Variants in BTF3L4 observed in about 807,000 individuals in gnomAD.
The protein encoded by BTF3L4 is basic transcription factor 3 like 4.
BTF3L4 carries 6 observed loss-of-function variants against 16.8 expected under a neutral mutation model. The ratio of observed to expected loss-of-function variants is 0.36; its 90% CI spans 0.20 to 0.71. The LOEUF (loss-of-function observed/expected upper bound fraction) is 0.71, where lower values mean the gene tolerates loss of function less well. Among genes scored for constraint, BTF3L4 ranks in the 30% least tolerant of loss-of-function variants. The pLI, the probability that BTF3L4 is intolerant of heterozygous loss-of-function variation, is 0.58. For synonymous variants in BTF3L4, 39 were observed against 59.8 expected (o/e 0.65, Z 1.60); for missense variants, 92 against 186.9 (o/e 0.49, Z 2.96).
intron 3 of BTF3L4, among the ~76,000 whole-genome samples, chr1:52,082,535 G>A (rs1643934327): frequency 6.6e-6 from 1 of 152,130 alleles, no homozygotes; most frequent in South Asian, 2.1e-4. Flanking sequence ...AGGAGTTCGA[G>A]ACCAGCCTGG....
chr1:52,062,438 G>C (rs1300013416), intron 2 of BTF3L4, among the ~76,000 whole-genome samples: 2 of 151,710 alleles, frequency 1.3e-5, no homozygotes, highest in Non-Finnish European at 2.9e-5. Context: ...CTGACCTTAT[G>C]ATCTGCCCGC....
At chr1:52,065,254 A>C in intron 3 of BTF3L4, 1 of 163,116 alleles carries the variant, frequency 6.1e-6, no homozygotes, top group East Asian at 1.8e-4. Context: ...ACATTTCCTC[A>C]GATGAGATAG....
chr1:52,056,589 C>T (rs899663750), intron 1 of BTF3L4, among the ~76,000 whole-genome samples: 4 of 152,258 alleles, frequency 2.6e-5, no homozygotes, highest in Admixed American at 2.6e-4. Context: ...AGCACCACCG[C>T]CCCCTGTGGG....
chr1:52,063,449 A>C (rs752841248), intron 2 of BTF3L4, among the ~76,000 whole-genome samples: 14 of 152,014 alleles, frequency 9.2e-5, no homozygotes, highest in Admixed American at 2.6e-4. Context: ...CTGCTGTCAG[A>C]TCTCTCCTCC....
intron 5 of BTF3L4, 69 bp from the exon 6 acceptor site, chr1:52,086,643 A>G: frequency 1.1e-6 from 1 of 948,300 alleles, no homozygotes; most frequent in African/African-American, 1.7e-5. Context: ...GTTAGAAGTT[A>G]GGAGTTCCAT....
At chr1:52,067,053 A>G (rs2124422631) in intron 3 of BTF3L4, among the ~76,000 whole-genome samples, 1 of 152,108 alleles carries the variant, frequency 6.6e-6, no homozygotes, top group African/African-American at 2.4e-5. Context: ...CCTGGCCAAC[A>G]TGGTGAGACC....
In BTF3L4 at chr1:52,086,831, A is replaced by G. The variant is rs1219796731; in HGVS notation, c.*73A>G. On this transcript the variant is annotated 3_prime_UTR_variant, in exon 6 of 6. Transcript: ENST00000313334. ...TATGTGGTTCCAAAGTTTTACAGAC[A>G]TGGAGAACATCACCTGTTACTAGTT... The G allele has an allele frequency of 3.5e-6, 3 of 863,416 alleles. No individual in the cohort carries two copies. The highest frequency in any genetic ancestry group is 1.7e-5 in the African/African-American group (1 of 57,622). The allele number at this position is 863,416 out of a possible 1,614,324, so 53.5% of individuals were successfully genotyped here.
intron 2 of BTF3L4, among the ~76,000 whole-genome samples, chr1:52,063,017 C>T (rs1227905930): frequency 3.3e-5 from 5 of 152,200 alleles, no homozygotes; most frequent in African/African-American, 1.2e-4. Context: ...TCGCTCATGC[C>T]CCCTACCCCA....
chr1:52,080,966 A>G (rs10788938), intron 3 of BTF3L4, among the ~76,000 whole-genome samples: 111,657 of 150,912 alleles, frequency 0.74, 45,565 homozygotes, highest in Non-Finnish European at 0.89. Context: ...CAGCCTCCCA[A>G]GTAGCTGGGA....
At chr1:52,062,830 G>A (rs531593150) in intron 2 of BTF3L4, among the ~76,000 whole-genome samples, 53 of 152,342 alleles carry the variant, frequency 3.5e-4, no homozygotes, top group Non-Finnish European at 1.9e-4. Context: ...CCACGGATGG[G>A]AGGATGATGG....
intron 4 of BTF3L4, among the ~76,000 whole-genome samples, chr1:52,084,289 T>A (rs1294927627): frequency 6.6e-6 from 1 of 151,970 alleles, no homozygotes; most frequent in East Asian, 1.9e-4. Context: ...ACAGGTGGTG[T>A]GCACCACTGC....
rs961147469 is a variant in BTF3L4, at chr1:52,074,433, G to A, written c.169-8907G>A. ...GGCTGGAGTGCGGTGGGGCAATCTCGGCTCAACACAACCTTGGCCTCCCAG... is the reference window on the plus strand; with the variant it reads ...GGCTGGAGTGCGGTGGGGCAATCTCAGCTCAACACAACCTTGGCCTCCCAG... On this transcript the variant is annotated intron_variant, in intron 3 of 5. Transcript: ENST00000313334. Among the ~76,000 whole-genome samples, 3 of 151,518 alleles carry A rather than the reference G, an allele frequency of 2.0e-5. No individual in the cohort carries two copies. In the East Asian group the frequency reaches 5.8e-4, roughly 29 times the overall value.
At position 52,079,269 on chromosome 1, in the gene BTF3L4, G is replaced by C. The variant is rs189941904; in HGVS notation, c.169-4071G>C. 1.6e-3 allele frequency among the ~76,000 whole-genome samples: 245 copies of C among 151,776 alleles called. 2 individuals are homozygous for C. The highest frequency in any genetic ancestry group is 5.4e-3 in the African/African-American group (223 of 41,386). Reference sequence around the variant, plus strand: ...ATGGTGGCACACACCTGTAATCCCAGCTACTTGGGAGGCTGAGGCAGGAGA... The same window carrying C: ...ATGGTGGCACACACCTGTAATCCCACCTACTTGGGAGGCTGAGGCAGGAGA... On this transcript the variant is annotated intron_variant, in intron 3 of 5. Coordinates refer to ENST00000313334, the MANE Select transcript of BTF3L4 (RefSeq NM_152265.5).
chr1:52,090,521 C>T lies in BTF3L4; in HGVS notation c.*3763C>T, dbSNP rs370959807. 2 of 152,118 alleles carry T rather than the reference C, an allele frequency of 1.3e-5. No individual in the cohort carries two copies. Among genetic ancestry groups the T allele is most frequent in the African/African-American group, 4.8e-5 (2 of 41,402 alleles). 9.4% of individuals were successfully genotyped at this position (152,118 alleles called of 1,614,324 possible). On this transcript the variant is annotated 3_prime_UTR_variant, in exon 6 of 6. Transcript: ENST00000313334. ...CTCTCTCCAGCCCATTACACAGGAG[C>T]CAGCTACCTAAATTTCCTATCTGAG...
chr1:52,061,654 T>G (rs1363008423), intron 2 of BTF3L4, among the ~76,000 whole-genome samples: 10 of 146,484 alleles, frequency 6.8e-5, no homozygotes, highest in African/African-American at 2.5e-4. Context: ...TTTTTTTTTT[T>G]TTTGAGACGG....
rs1185662565 is a variant in BTF3L4 at position 52,088,280 on chromosome 1, G to C, written c.*1522G>C. On this transcript the variant is annotated 3_prime_UTR_variant, in exon 6 of 6. Transcript: ENST00000313334. The stretch of plus-strand genomic sequence containing the variant: ...CTGTAGACATGAAGGCAAAGCTCTT[G>C]TATTTTTTTTCATCCAAACACCTCA... 6.6e-6 allele frequency: 1 copy of C among 152,390 alleles called. No homozygotes were observed. The highest frequency in any genetic ancestry group is 2.4e-5 in the African/African-American group (1 of 41,382). The allele number at this position is 152,390 out of a possible 1,614,324, so 9.4% of individuals were successfully genotyped here.
intron 3 of BTF3L4, among the ~76,000 whole-genome samples, chr1:52,068,248 G>A (rs1686702434): frequency 6.6e-6 from 1 of 152,174 alleles, no homozygotes; most frequent in Admixed American, 6.5e-5. Flanking sequence ...TGGTGTTGCT[G>A]TAATTGAAAT....
intron 3 of BTF3L4, among the ~76,000 whole-genome samples, chr1:52,076,491 C>A (rs145402651): frequency 3.4e-5 from 5 of 148,942 alleles, no homozygotes; most frequent in African/African-American, 1.2e-4. Flanking sequence ...GCAGGAGAAT[C>A]GCTTGAACCC....
At chr1:52,059,378 A>G (rs1686454043) in intron 1 of BTF3L4, among the ~76,000 whole-genome samples, 2 of 151,908 alleles carry the variant, frequency 1.3e-5, no homozygotes, top group African/African-American at 4.8e-5. Flanking sequence ...TGTCATCTTT[A>G]TGGTTTATAA....
Sources: allele counts gnomAD v4.1 joint callset (sites outside exome capture counted in the v4.1 genomes callset), GRCh38; gene constraint gnomAD v4.1.1; transcripts MANE v1.5; gene names NCBI Gene and HGNC (gene_info 2026-07-23, HGNC 2026-07-21).